Variants in RALGPS2 observed in about 807,000 individuals in gnomAD.
The protein encoded by RALGPS2 is Ral GEF with PH domain and SH3 binding motif 2.
Under a neutral mutation model 86.8 loss-of-function variants are expected in RALGPS2, and 43 were observed. That is an observed-to-expected ratio of 0.50 (90% confidence interval 0.39 to 0.64). RALGPS2 has a LOEUF of 0.64. RALGPS2 is among the 30% of genes least tolerant of loss of function. The probability of loss-of-function intolerance (pLI) is 0.00; values close to 1 mark genes in which losing one functional copy is unlikely to be tolerated. For missense variants in RALGPS2, 536 were observed against 694.6 expected (o/e 0.77, Z 2.57); for synonymous variants, 243 against 231.3 (o/e 1.05, Z -0.46).
At chr1:178,769,120 G>T (rs938665350) in intron 1 of RALGPS2, among the ~76,000 whole-genome samples, 2 of 152,092 alleles carry the variant, frequency 1.3e-5, no homozygotes, top group African/African-American at 4.8e-5. Flanking sequence ...CCCAGCAAAT[G>T]AGTGCTTTGA....
chr1:178,756,385 G>A lies in RALGPS2; in HGVS notation c.-83-20297G>A, dbSNP rs149962339. On this transcript the variant is annotated intron_variant, in intron 1 of 19. Coordinates refer to ENST00000367635, the MANE Select transcript of RALGPS2 (RefSeq NM_152663.5). ...TCATTGTTCTGCATATGGCTAGCCA[G>A]CTATCCCAGCACTATTTATTTAATA... is the stretch of plus-strand genomic sequence containing the variant. 4.9e-4 allele frequency among the ~76,000 whole-genome samples: 75 copies of A among 152,222 alleles called. No individual in the cohort carries two copies. In the East Asian group the frequency reaches 0.014, roughly 28 times the overall value.
rs564972420 is a variant in RALGPS2, at chr1:178,853,886, A to T, written c.607+20336A>T. 41 of 907,098 alleles carry T rather than the reference A, an allele frequency of 4.5e-5. No individual in the cohort carries two copies. In the East Asian group the frequency reaches 8.8e-4, roughly 19 times the overall value. The allele number at this position is 907,098 out of a possible 1,614,324, so 56.2% of individuals were successfully genotyped here. On this transcript the variant is annotated intron_variant, in intron 8 of 19. Coordinates refer to ENST00000367635, the MANE Select transcript of RALGPS2 (RefSeq NM_152663.5). ...TTTTTACCTTTGTGTCTTTGTTTAC[A>T]GTTACCATTGTTTATCATATATACA...
intron 4 of RALGPS2, among the ~76,000 whole-genome samples, chr1:178,786,405 C>T (rs1558118916): frequency 6.6e-6 from 1 of 151,976 alleles, no homozygotes; most frequent in Non-Finnish European, 1.5e-5. Context: ...AATAATATGA[C>T]TGCGTTGACA....
chr1:178,826,102 G>GGTTTTGTTTT (rs376934008), intron 7 of RALGPS2, among the ~76,000 whole-genome samples: 1 of 152,092 alleles, frequency 6.6e-6, no homozygotes, highest in Non-Finnish European at 1.5e-5. Flanking sequence ...GGTTTGGGAT[G>GGTTTTGTTTT]GTTTTGTTTT....
intron 8 of RALGPS2, among the ~76,000 whole-genome samples, chr1:178,856,202 G>GATAGATATATATAT (rs1553271351): frequency 4.8e-5 from 4 of 83,912 alleles, no homozygotes; most frequent in African/African-American, 2.6e-4. Flanking sequence ...GAGAGAGAGA[G>GATAGATATATATAT]ATATATATAT....
intron 16 of RALGPS2, among the ~76,000 whole-genome samples, chr1:178,896,697 T>C (rs1313018740): frequency 6.9e-6 from 1 of 144,402 alleles, no homozygotes; most frequent in African/African-American, 2.6e-5. Context: ...CACCTATGAG[T>C]GAGAATATGC....
intron 6 of RALGPS2, among the ~76,000 whole-genome samples, chr1:178,811,976 A>G (rs1655006414): frequency 6.6e-6 from 1 of 152,176 alleles, no homozygotes; most frequent in Non-Finnish European, 1.5e-5. Context: ...TAAAACTTGT[A>G]ACAACTCTGA....
chr1:178,913,301 GAAAA>G (rs550162783), intron 19 of RALGPS2, among the ~76,000 whole-genome samples: 2 of 151,446 alleles, frequency 1.3e-5, no homozygotes, highest in African/African-American at 2.4e-5. Flanking sequence ...AAAAAGAAAA[GAAAA>G]AGAAAGAAAT....
chr1:178,887,206 A>AC (rs1659527514), intron 13 of RALGPS2, among the ~76,000 whole-genome samples: 1 of 152,224 alleles, frequency 6.6e-6, no homozygotes, highest in Admixed American at 6.5e-5. Context: ...TAATCCCAGC[A>AC]CTTTGGGAGG....
In RALGPS2 at chr1:178,862,955, A is replaced by G. The variant is rs78974385; in HGVS notation, c.608-14543A>G. 2.0e-5 allele frequency among the ~76,000 whole-genome samples: 3 copies of G among 152,330 alleles called. No homozygotes were observed. The East Asian group carries it at 5.8e-4, about 29-fold the overall frequency. On this transcript the variant is annotated intron_variant, in intron 8 of 19. Coordinates refer to ENST00000367635, the MANE Select transcript of RALGPS2 (RefSeq NM_152663.5). ...CAGTTGGCAAGCTATTACACAGTTCATAGTAAGAACTAACATTTGAGTGCC... is the reference window on the plus strand; with the variant it reads ...CAGTTGGCAAGCTATTACACAGTTCGTAGTAAGAACTAACATTTGAGTGCC...
intron 1 of RALGPS2, among the ~76,000 whole-genome samples, chr1:178,735,702 A>G (rs1007756428): frequency 2.0e-4 from 30 of 149,918 alleles, no homozygotes; most frequent in Middle Eastern, 3.5e-3. Context: ...AATACCTTAG[A>G]TATATGTACA....
intron 6 of RALGPS2, among the ~76,000 whole-genome samples, chr1:178,812,933 T>C (rs1655053637): frequency 6.7e-6 from 1 of 148,798 alleles, no homozygotes; most frequent in Admixed American, 6.7e-5. Context: ...AAATACTTTT[T>C]TTTTTTTTTT....
chr1:178,808,806 A>G (rs12073807), intron 5 of RALGPS2, among the ~76,000 whole-genome samples: 13,543 of 152,166 alleles, frequency 0.089, 654 homozygotes, highest in African/African-American at 0.13. Flanking sequence ...CTGTAGTAAA[A>G]ATTTAAATAC....
chr1:178,836,809 C>T (rs1350816198), intron 8 of RALGPS2, among the ~76,000 whole-genome samples: 1 of 151,856 alleles, frequency 6.6e-6, no homozygotes, highest in Non-Finnish European at 1.5e-5. Flanking sequence ...GAGACAGGGT[C>T]TCACTCTGTC....
At chr1:178,898,819 C>A (rs74944298) in intron 17 of RALGPS2, among the ~76,000 whole-genome samples, 1 of 151,804 alleles carries the variant, frequency 6.6e-6, no homozygotes, top group East Asian at 1.9e-4. Flanking sequence ...GAGATTTCTT[C>A]GGTGAATATT....
chr1:178,752,271 G>C (rs1397539833), intron 1 of RALGPS2, among the ~76,000 whole-genome samples: 1 of 151,524 alleles, frequency 6.6e-6, no homozygotes, highest in Non-Finnish European at 1.5e-5. Flanking sequence ...AAGTAGCTGG[G>C]ACTATGGGAC....
At chr1:178,776,570 A>C in intron 1 of RALGPS2, 112 bp from the exon 2 acceptor site, 1 of 445,570 alleles carries the variant, frequency 2.2e-6, no homozygotes, top group South Asian at 4.0e-5. Flanking sequence ...CTAAGATAAT[A>C]AATAGAGTTT....
chr1:178,828,422 A>G (rs913629682), intron 7 of RALGPS2, among the ~76,000 whole-genome samples: 1 of 152,190 alleles, frequency 6.6e-6, no homozygotes, highest in African/African-American at 2.4e-5. Context: ...GGCAGTTATA[A>G]CACGGTGGTA....
At chr1:178,796,032 G>A (rs1000667831) in intron 4 of RALGPS2, among the ~76,000 whole-genome samples, 1 of 152,112 alleles carries the variant, frequency 6.6e-6, no homozygotes, top group African/African-American at 2.4e-5. Flanking sequence ...AGTTGCCGCT[G>A]TTTTGTCAGT....
Sources: gnomAD v4.1 joint callset for allele counts (sites outside exome capture counted in the v4.1 genomes callset) on GRCh38, gnomAD v4.1.1 for gene constraint, MANE v1.5 for transcripts, NCBI Gene and HGNC (gene_info 2026-07-23, HGNC 2026-07-21) for gene names.